TNFRSF1B: variants seen among roughly 807,000 people sequenced by gnomAD.
TNFRSF1B encodes TNF receptor superfamily member 1B.
TNFRSF1B carries 19 observed loss-of-function variants against 44.6 expected under a neutral mutation model. The ratio of observed to expected loss-of-function variants is 0.43; its 90% CI spans 0.30 to 0.62. TNFRSF1B has a LOEUF of 0.62. Among genes scored for constraint, TNFRSF1B ranks in the 20% least tolerant of loss-of-function variants. TNFRSF1B has a pLI of 0.16. For missense variants in TNFRSF1B, 541 were observed against 619.9 expected (o/e 0.87, Z 1.35); for synonymous variants, 252 against 261.1 (o/e 0.97, Z 0.34).
At chr1:12,195,159 C>T (rs1639238783) in intron 8 of TNFRSF1B, among the ~76,000 whole-genome samples, 5 of 152,166 alleles carry the variant, frequency 3.3e-5, no homozygotes, top group Admixed American at 3.3e-4. Context: ...TGGGTCCTCC[C>T]AAAGCAACTC....
rs1488374309 is a variant in TNFRSF1B, at chr1:12,180,929, C to G, written c.79-7867C>G. Among the ~76,000 whole-genome samples, 2 of 152,198 alleles carry G rather than the reference C, an allele frequency of 1.3e-5. No individual in the cohort carries two copies. Among genetic ancestry groups the G allele is most frequent in the Non-Finnish European group, 2.9e-5 (2 of 68,024 alleles). ...GGGTCACATTACCCTTCCAGTGTTCCTCTGAGCAAAGTCCCTGTGAGTTAG... is the reference window on the plus strand; with the variant it reads ...GGGTCACATTACCCTTCCAGTGTTCGTCTGAGCAAAGTCCCTGTGAGTTAG... On this transcript the variant is annotated intron_variant, in intron 1 of 9. Coordinates refer to ENST00000376259, the MANE Select transcript of TNFRSF1B (RefSeq NM_001066.3). The surrounding 1 kb of genome is among the most constrained non-coding windows in gnomAD (Gnocchi z 4.3).
intron 9 of TNFRSF1B, among the ~76,000 whole-genome samples, chr1:12,204,078 C>T (rs569484799): frequency 2.5e-4 from 38 of 152,268 alleles, no homozygotes; most frequent in African/African-American, 9.1e-4. Flanking sequence ...CTCCTTGGGC[C>T]AGGGTGGAGC....
intron 8 of TNFRSF1B, among the ~76,000 whole-genome samples, chr1:12,197,892 G>T (rs536263425): frequency 6.6e-6 from 1 of 152,130 alleles, no homozygotes; most frequent in African/African-American, 2.4e-5. Context: ...TTGGGAGGCC[G>T]AGGGGGGCGG....
intron 3 of TNFRSF1B, 66 bp downstream of exon 3, chr1:12,191,151 G>C: frequency 6.3e-7 from 1 of 1,579,222 alleles, no homozygotes; most frequent in Non-Finnish European, 8.6e-7. Context: ...GGCAACTCCA[G>C]CCTCTTTGGC....
At chr1:12,184,743 G>A (rs1247090920) in intron 1 of TNFRSF1B, among the ~76,000 whole-genome samples, 3 of 152,340 alleles carry the variant, frequency 2.0e-5, no homozygotes, top group Middle Eastern at 3.4e-3. Context: ...CCCCAGCCAG[G>A]GTGGGATTTC....
At chr1:12,193,817 G>A in intron 6 of TNFRSF1B, 138 bp from the exon 7 acceptor site, 1 of 664,880 alleles carries the variant, frequency 1.5e-6, no homozygotes, top group Non-Finnish European at 2.7e-6. Context: ...TTTGTAATTG[G>A]ATTTGAGAAT....
Position 12,187,303 on chromosome 1 carries a change from G to A in TNFRSF1B, c.79-1493G>A, listed in dbSNP as rs1355917012. On this transcript the variant is annotated intron_variant, in intron 1 of 9. Coordinates refer to ENST00000376259, the MANE Select transcript of TNFRSF1B (RefSeq NM_001066.3). This position sits in a 1 kb window ranked among gnomAD's most constrained non-coding sequence, Gnocchi z 5.5. ...AGAGTAGCTGGGATTACAGGCACAC[G>A]CCACTATGCCGGGATAATTTTGTAT... 6.6e-6 allele frequency among the ~76,000 whole-genome samples: 1 copy of A among 152,078 alleles called. No homozygotes were observed. Among genetic ancestry groups the A allele is most frequent in the Non-Finnish European group, 1.5e-5 (1 of 68,014 alleles).
intron 1 of TNFRSF1B, among the ~76,000 whole-genome samples, chr1:12,176,794 C>T (rs1175481779): frequency 6.6e-6 from 1 of 152,134 alleles, no homozygotes; most frequent in Non-Finnish European, 1.5e-5. Context: ...GTTCAGGTGA[C>T]AGCTCTGGGT....
At chr1:12,167,373 C>T (rs1038195921) in intron 1 of TNFRSF1B, 5 of 407,138 alleles carry the variant, frequency 1.2e-5, no homozygotes, top group African/African-American at 6.3e-5. Flanking sequence ...CACACGTGCG[C>T]TCGGGGCACA....
chr1:12,193,233 C>T lies in TNFRSF1B; in HGVS notation c.787+135C>T, dbSNP rs577410707. The T allele has an allele frequency of 1.8e-4, 146 of 803,594 alleles. No individual in the cohort carries two copies. In the African/African-American group the frequency reaches 2.3e-3, roughly 13 times the overall value. The allele number at this position is 803,594 out of a possible 1,614,324, so 49.8% of individuals were successfully genotyped here. ...GTGCCCTGTCCTGGGATACAGGTGG[C>T]AGTGAGACTGCTTTCTCCCCACACC... On this transcript the variant is annotated intron_variant, in intron 6 of 9. Coordinates refer to ENST00000376259, the MANE Select transcript of TNFRSF1B (RefSeq NM_001066.3).
At position 12,209,064 on chromosome 1, in the gene TNFRSF1B, GC is replaced by G. The variant is rs1639574690; in HGVS notation, c.*2045del. ...GTGGACAGTCCTGGGAGAACCTCAG[GC>G]TTCCTTGGCATCACAGGGCAGAGCC... On this transcript the variant is annotated 3_prime_UTR_variant, in exon 10 of 10. Coordinates refer to ENST00000376259, the MANE Select transcript of TNFRSF1B (RefSeq NM_001066.3). 1.3e-5 allele frequency: 2 copies of G among 152,292 alleles called. No individual in the cohort carries two copies. Among genetic ancestry groups the G allele is most frequent in the Admixed American group, 6.5e-5 (1 of 15,276 alleles). The allele number at this position is 152,292 out of a possible 1,614,324, so 9.4% of individuals were successfully genotyped here.
In TNFRSF1B at chr1:12,171,598, G is replaced by T. The variant is rs187722583; in HGVS notation, c.78+4429G>T. ...GTCTTCCCACAAGATTGTAAGTACC[G>T]TGAGGACAGGGACTCATTCACCACT... is the stretch of plus-strand genomic sequence containing the variant. On this transcript the variant is annotated intron_variant, in intron 1 of 9. Transcript: ENST00000376259. The surrounding 1 kb of genome is among the most constrained non-coding windows in gnomAD (Gnocchi z 4.5). Among the ~76,000 whole-genome samples, 41 of 152,292 alleles carry T rather than the reference G, an allele frequency of 2.7e-4. No homozygotes were observed. The highest frequency in any genetic ancestry group is 9.9e-4 in the African/African-American group (41 of 41,560).
At chr1:12,191,482 TGGGGAGGAGCGGGACTTC>T (rs1392402007) in intron 3 of TNFRSF1B, among the ~76,000 whole-genome samples, 9 of 138,128 alleles carry the variant, frequency 6.5e-5, no homozygotes, top group South Asian at 4.8e-4. Flanking sequence ...AGCGGGACTG[TGGGGAGGAGCGGGACTTC>T]GGGGAGGAGC....
chr1:12,193,887 G>T, intron 6 of TNFRSF1B, 68 bp from the exon 7 acceptor site: 2 of 1,348,960 alleles, frequency 1.5e-6, no homozygotes, highest in Non-Finnish European at 2.1e-6. Flanking sequence ...TCCCTGGCTT[G>T]CCTGGCTGGC....
intron 1 of TNFRSF1B, among the ~76,000 whole-genome samples, chr1:12,176,080 G>A (rs1388614338): frequency 6.6e-6 from 1 of 151,740 alleles, no homozygotes; most frequent in Non-Finnish European, 1.5e-5. Flanking sequence ...TTAGCCAGGC[G>A]TGGTGGTGTG....
chr1:12,198,440 A>G (rs1329300226), intron 8 of TNFRSF1B, among the ~76,000 whole-genome samples: 1 of 152,130 alleles, frequency 6.6e-6, no homozygotes, highest in African/African-American at 2.4e-5. Context: ...ACCCCAGCGC[A>G]CACACTCACT....
chr1:12,167,937 C>T (rs1362392120), intron 1 of TNFRSF1B, among the ~76,000 whole-genome samples: 2 of 152,240 alleles, frequency 1.3e-5, no homozygotes, highest in Admixed American at 6.5e-5. Context: ...CCCACAGTAG[C>T]AACGGGCGTA....
At chr1:12,204,063 G>T (rs549626760) in intron 9 of TNFRSF1B, among the ~76,000 whole-genome samples, 1 of 152,264 alleles carries the variant, frequency 6.6e-6, no homozygotes, top group South Asian at 2.1e-4. Flanking sequence ...ACCTGGTGTG[G>T]CTCCCTCCTT....
At chr1:12,198,757 C>G (rs1639326799) in intron 8 of TNFRSF1B, among the ~76,000 whole-genome samples, 1 of 143,470 alleles carries the variant, frequency 7.0e-6, no homozygotes, top group Non-Finnish European at 1.5e-5. Flanking sequence ...GTGGCACAAT[C>G]TTGGCTCACT....
Sources: gnomAD v4.1 joint callset for allele counts (sites outside exome capture counted in the v4.1 genomes callset) on GRCh38, gnomAD v4.1.1 for gene constraint, Gnocchi (gnomAD v3.1) non-coding constraint, MANE v1.5 for transcripts, NCBI Gene and HGNC (gene_info 2026-07-23, HGNC 2026-07-21) for gene names.